Variants in CTTNBP2 observed in about 807,000 individuals in gnomAD.
The protein encoded by CTTNBP2 is cortactin binding protein 2.
Under a neutral mutation model 156.9 loss-of-function variants are expected in CTTNBP2, and 108 were observed. The observed-to-expected ratio is 0.69, with a 90% CI of 0.59 to 0.81. The LOEUF is 0.81. Ranked by LOEUF, CTTNBP2 falls within the 30% of genes least tolerant of loss-of-function variation. The pLI, the probability that CTTNBP2 is intolerant of heterozygous loss-of-function variation, is 0.00. For synonymous variants in CTTNBP2, 767 were observed against 751.8 expected, an observed-to-expected ratio of 1.02 and a Z score of -0.33; for missense variants, 1,924 against 2,035.4, an observed-to-expected ratio of 0.95 and a Z score of 1.05.
intron 8 of CTTNBP2, among the ~76,000 whole-genome samples, chr7:117,772,438 A>G (rs1797846652): frequency 1.3e-5 from 2 of 152,220 alleles, no homozygotes; most frequent in African/African-American, 4.8e-5. Context: ...CAAGAATTGC[A>G]GCAGATTGGC....
At chr7:117,763,555 C>CTTTTTTT (rs767309488) in intron 9 of CTTNBP2, among the ~76,000 whole-genome samples, 20 of 103,428 alleles carry the variant, frequency 1.9e-4, no homozygotes, top group East Asian at 5.2e-4. Flanking sequence ...TCTTCTTCTT[C>CTTTTTTT]TTTTTTTTTT....
chr7:117,800,949 A>C (rs1332226965), intron 3 of CTTNBP2, among the ~76,000 whole-genome samples: 7 of 152,186 alleles, frequency 4.6e-5, no homozygotes, highest in Non-Finnish European at 8.8e-5. Context: ...ATGAGCCTGG[A>C]GTATCTTGCT....
At chr7:117,742,497 A>T (rs928533642) in intron 14 of CTTNBP2, among the ~76,000 whole-genome samples, 2 of 152,154 alleles carry the variant, frequency 1.3e-5, no homozygotes, top group African/African-American at 4.8e-5. Flanking sequence ...CGGGATGGGG[A>T]GGGGCAGAAA....
intron 17 of CTTNBP2, among the ~76,000 whole-genome samples, chr7:117,726,186 G>C (rs1042129718): frequency 6.6e-6 from 1 of 152,202 alleles, no homozygotes. Flanking sequence ...ATCAAAAAAA[G>C]ATTATGCTTT....
intron 16 of CTTNBP2, among the ~76,000 whole-genome samples, chr7:117,733,226 G>A (rs569851675): frequency 2.0e-5 from 3 of 152,218 alleles, no homozygotes; most frequent in African/African-American, 7.2e-5. Flanking sequence ...ACACCCCAGG[G>A]GCTGTTTTAT....
chr7:117,868,541 A>G (rs1394568794), intron 1 of CTTNBP2, among the ~76,000 whole-genome samples: 2 of 152,230 alleles, frequency 1.3e-5, no homozygotes, highest in African/African-American at 4.8e-5. Context: ...ATCATGCTGT[A>G]CACGGCATTA....
At chr7:117,747,427 G>A (rs1796391459) in intron 12 of CTTNBP2, among the ~76,000 whole-genome samples, 1 of 152,206 alleles carries the variant, frequency 6.6e-6, no homozygotes, top group Non-Finnish European at 1.5e-5. Flanking sequence ...TTGAAGAAAA[G>A]CTCTTAGCAT....
At chr7:117,776,956 C>T (rs528789352) in intron 8 of CTTNBP2, among the ~76,000 whole-genome samples, 3 of 152,198 alleles carry the variant, frequency 2.0e-5, no homozygotes, top group African/African-American at 2.4e-5. Context: ...AATGCTAAAG[C>T]GACTAACATC....
intron 2 of CTTNBP2, among the ~76,000 whole-genome samples, chr7:117,842,217 T>A (rs950322495): frequency 3.9e-5 from 6 of 152,264 alleles, no homozygotes; most frequent in South Asian, 4.2e-4. Flanking sequence ...GTCTTTTTTT[T>A]AAAACAGAGT....
chr7:117,839,504 T>G (rs1802151933), intron 2 of CTTNBP2, among the ~76,000 whole-genome samples: 1 of 152,218 alleles, frequency 6.6e-6, no homozygotes, highest in South Asian at 2.1e-4. Context: ...TTCAACACAC[T>G]TGTAATGTGA....
At chr7:117,867,986 CA>C (rs1336266165) in intron 1 of CTTNBP2, among the ~76,000 whole-genome samples, 2 of 152,172 alleles carry the variant, frequency 1.3e-5, no homozygotes, top group Admixed American at 6.5e-5. Flanking sequence ...AAAAGTGGCT[CA>C]GGGGTGACAG....
At chr7:117,788,073 C>T (rs965171603) in intron 4 of CTTNBP2, among the ~76,000 whole-genome samples, 1 of 152,184 alleles carries the variant, frequency 6.6e-6, no homozygotes, top group African/African-American at 2.4e-5. Flanking sequence ...TTCCCGAATT[C>T]AAGTGATCTT....
At chr7:117,793,325 T>C (rs555869459) in intron 3 of CTTNBP2, 1 of 152,340 alleles carries the variant, frequency 6.6e-6, no homozygotes, top group East Asian at 1.9e-4. Flanking sequence ...TAAAATTATA[T>C]ATGAAAGAAA....
intron 2 of CTTNBP2, among the ~76,000 whole-genome samples, chr7:117,814,052 T>A (rs1213612242): frequency 6.6e-6 from 1 of 152,210 alleles, no homozygotes; most frequent in Non-Finnish European, 1.5e-5. Context: ...ACACAACATA[T>A]TTTATGATGT....
intron 5 of CTTNBP2, 94 bp downstream of exon 5, chr7:117,784,157 C>G: frequency 1.1e-6 from 1 of 920,832 alleles, no homozygotes; most frequent in Non-Finnish European, 1.6e-6. Flanking sequence ...AAAAATAAAA[C>G]TAAATTGAAC....
intron 12 of CTTNBP2, among the ~76,000 whole-genome samples, chr7:117,752,845 G>C (rs1222406901): frequency 2.0e-5 from 3 of 152,148 alleles, no homozygotes; most frequent in African/African-American, 7.2e-5. Context: ...AATCTAACTT[G>C]TATGGAGTAT....
At chr7:117,797,741 C>A (rs28744472) in intron 3 of CTTNBP2, among the ~76,000 whole-genome samples, 36,280 of 151,832 alleles carry the variant, frequency 0.24, 7,247 homozygotes, top group African/African-American at 0.55. Context: ...AAAGCAAAAG[C>A]AAGTATTCGA....
In CTTNBP2 at chr7:117,847,819, C is replaced by CTTT. The variant is rs201419286; in HGVS notation, c.189+13387_189+13389dup. On this transcript the variant is annotated intron_variant, in intron 2 of 22. Coordinates refer to ENST00000160373, the MANE Select transcript of CTTNBP2 (RefSeq NM_033427.3). ...TTTTTATAGATCTTCTTTGCCTAAC[C>CTTT]TTTTTTTTTTTTTTTTTTTTTTTTT... Among the ~76,000 whole-genome samples, 776 of 91,248 alleles carry CTTT rather than the reference C, an allele frequency of 8.5e-3. 157 individuals are homozygous for CTTT. The highest frequency in any genetic ancestry group is 0.023 in the African/African-American group (472 of 20,944). 59.9% of individuals were successfully genotyped at this position (91,248 alleles called of 152,430 possible).
intron 8 of CTTNBP2, among the ~76,000 whole-genome samples, chr7:117,772,704 T>C (rs1797860597): frequency 6.6e-6 from 1 of 152,192 alleles, no homozygotes; most frequent in African/African-American, 2.4e-5. Context: ...AATGCTTAAG[T>C]AGGGCTAGAG....
Sources: gnomAD v4.1 joint callset for allele counts (sites outside exome capture counted in the v4.1 genomes callset) on GRCh38, gnomAD v4.1.1 for gene constraint, MANE v1.5 for transcripts, NCBI Gene and HGNC (gene_info 2026-07-23, HGNC 2026-07-21) for gene names.